GDI2: variants seen among roughly 807,000 people sequenced by gnomAD.
GDI2 encodes GDP dissociation inhibitor 2.
Under a neutral mutation model 54.2 loss-of-function variants are expected in GDI2, and 22 were observed. That is an observed-to-expected ratio of 0.41 (90% CI 0.29 to 0.58). The LOEUF (loss-of-function observed/expected upper bound fraction) is 0.58. Among genes scored for constraint, GDI2 ranks in the 20% least tolerant of loss-of-function variants. The pLI, the probability that GDI2 is intolerant of heterozygous loss-of-function variation, is 0.35. For synonymous variants in GDI2, 177 were observed against 182.1 expected (o/e 0.97, Z 0.23); for missense variants, 422 against 546.0 (o/e 0.77, Z 2.26).
intron 1 of GDI2, among the ~76,000 whole-genome samples, chr10:5,808,958 C>T (rs977716239): frequency 1.4e-4 from 22 of 151,780 alleles, no homozygotes; most frequent in African/African-American, 5.1e-4. Flanking sequence ...TCATTAAAAA[C>T]TGTCAGCCAG....
At position 5,805,518 on chromosome 10, in the gene GDI2, C is replaced by G. The variant is rs1229619907; in HGVS notation, c.46-4813G>C. Among the ~76,000 whole-genome samples the G allele has an allele frequency of 2.0e-5, 3 of 152,116 alleles. 1 individual carries two copies. The East Asian group carries it at 5.8e-4, about 29-fold the overall frequency. Reference sequence around the variant, plus strand: ...ACCTCAGCCTCCTGAGAAGCTGGAACTACAGACATGTGCCACCACGCCTGC... The same window carrying G: ...ACCTCAGCCTCCTGAGAAGCTGGAAGTACAGACATGTGCCACCACGCCTGC... On this transcript the variant is annotated intron_variant, in intron 1 of 10. Transcript: ENST00000380191.
At chr10:5,797,543 CAAAAAAA>C (rs772570487) in intron 2 of GDI2, among the ~76,000 whole-genome samples, 315 of 45,350 alleles carry the variant, frequency 6.9e-3, no homozygotes, top group African/African-American at 0.028. Flanking sequence ...GACTCCATCT[CAAAAAAA>C]AAAAAAAAAA....
At chr10:5,789,763 C>T (rs1840969413) in intron 4 of GDI2, among the ~76,000 whole-genome samples, 1 of 152,164 alleles carries the variant, frequency 6.6e-6, no homozygotes, top group East Asian at 1.9e-4. Flanking sequence ...CTTAGGCACA[C>T]AAACACAGAC....
At chr10:5,812,501 A>G (rs1005708812) in intron 1 of GDI2, among the ~76,000 whole-genome samples, 1 of 152,322 alleles carries the variant, frequency 6.6e-6, no homozygotes, top group South Asian at 2.1e-4. Context: ...AAACAAAAGG[A>G]AAAGGCGGCG....
At chr10:5,792,805 C>T (rs1841046194) in intron 4 of GDI2, among the ~76,000 whole-genome samples, 1 of 151,352 alleles carries the variant, frequency 6.6e-6, no homozygotes, top group African/African-American at 2.4e-5. Context: ...TTTTAACTTT[C>T]AAGCTCTGTA....
chr10:5,813,302 C>T lies in GDI2; in HGVS notation c.-44G>A. ...GCAGGACCCGAGCAAGGAAAAGGCGCAGGGGCTCCGTGACCACCCTACGAG... is the reference window on the plus strand; with the variant it reads ...GCAGGACCCGAGCAAGGAAAAGGCGTAGGGGCTCCGTGACCACCCTACGAG... On this transcript the variant is annotated 5_prime_UTR_variant, in exon 1 of 11. Coordinates refer to ENST00000380191, the MANE Select transcript of GDI2 (RefSeq NM_001494.4). The T allele has an allele frequency of 1.4e-6, 2 of 1,468,456 alleles. No homozygotes were observed. Among genetic ancestry groups the T allele is most frequent in the Non-Finnish European group, 1.9e-6 (2 of 1,071,234 alleles). 91.0% of individuals were successfully genotyped at this position (1,468,456 alleles called of 1,614,324 possible).
chr10:5,780,689 G>A (rs995445889), intron 6 of GDI2, among the ~76,000 whole-genome samples: 16 of 152,024 alleles, frequency 1.1e-4, no homozygotes, highest in South Asian at 4.1e-4. Flanking sequence ...CATTAACAGC[G>A]GCATCAGTAC....
In GDI2 at chr10:5,785,989, G is replaced by C; in HGVS notation, c.450C>G (p.Phe150Leu). ...FRKFLVYVANFDEKDPRTFEG... is the reference protein window; with the variant it reads ...FRKFLVYVANLDEKDPRTFEG... ...CAAAAGTTCTTGGATCTTTTTCATCGAAGTTGGCAACATACACTAGGAATT... is the reference window on the plus strand; with the variant it reads ...CAAAAGTTCTTGGATCTTTTTCATCCAAGTTGGCAACATACACTAGGAATT... The change falls in exon 5 of 11, where the codon TTC (phenylalanine) becomes TTG (leucine). Residue 150 changes from phenylalanine (F) to leucine (L), a missense_variant. Phe to Leu is a conservative substitution (Grantham distance 22, BLOSUM62 0). Transcript: ENST00000380191. 6.2e-7 allele frequency: 1 copy of C among 1,613,206 alleles called. No individual in the cohort carries two copies.
intron 1 of GDI2, among the ~76,000 whole-genome samples, chr10:5,801,879 T>G (rs1047600720): frequency 1.3e-5 from 2 of 151,478 alleles, no homozygotes; most frequent in African/African-American, 4.9e-5. Flanking sequence ...GGCATGGTGG[T>G]GCATGCCTGT....
At chr10:5,809,562 C>G (rs1373046967) in intron 1 of GDI2, among the ~76,000 whole-genome samples, 2 of 152,208 alleles carry the variant, frequency 1.3e-5, no homozygotes, top group African/African-American at 2.4e-5. Context: ...GATTCCCTGA[C>G]TGAACTCATA....
intron 6 of GDI2, among the ~76,000 whole-genome samples, chr10:5,784,259 G>A (rs1349778159): frequency 2.0e-5 from 3 of 152,118 alleles, no homozygotes; most frequent in African/African-American, 7.2e-5. Flanking sequence ...CTCTAAGTGT[G>A]TCCCTTGATT....
At position 5,766,689 on chromosome 10, in the gene GDI2, C is replaced by G; in HGVS notation, c.992-51G>C. On this transcript the variant is annotated intron_variant, in intron 8 of 10. Transcript: ENST00000380191. The surrounding 1 kb of genome is among the most constrained non-coding windows in gnomAD (Gnocchi z 5.8). The stretch of plus-strand genomic sequence containing the variant: ...TGCCTCAAGTGTCTCCATCTGGGAC[C>G]CAACATACTCAGGTATCACCCATAT... 1 of 1,476,248 alleles carries G rather than the reference C, an allele frequency of 6.8e-7. No homozygotes were observed. The highest frequency in any genetic ancestry group is 9.5e-7 in the Non-Finnish European group (1 of 1,056,062). 91.4% of individuals were successfully genotyped at this position (1,476,248 alleles called of 1,614,324 possible).
Position 5,765,928 on chromosome 10 carries a change from T to G in GDI2, c.*78A>C. 3 of 1,046,136 alleles carry G rather than the reference T, an allele frequency of 2.9e-6. No individual in the cohort carries two copies. The highest frequency in any genetic ancestry group is 4.2e-6 in the Non-Finnish European group (3 of 715,660). 64.8% of individuals were successfully genotyped at this position (1,046,136 alleles called of 1,614,324 possible). ...TCCATTTTCATTACAAAAGCAGGCC[T>G]TACAATATTGATTTCATTATATGCA... On this transcript the variant is annotated 3_prime_UTR_variant, in exon 11 of 11. Transcript: ENST00000380191.
chr10:5,805,894 T>C (rs878957946), intron 1 of GDI2, among the ~76,000 whole-genome samples: 2 of 152,210 alleles, frequency 1.3e-5, no homozygotes, highest in East Asian at 3.8e-4. Flanking sequence ...GCAGCACACT[T>C]TGGGTAACAC....
intron 1 of GDI2, among the ~76,000 whole-genome samples, chr10:5,811,184 A>G (rs1841474069): frequency 6.6e-6 from 1 of 152,222 alleles, no homozygotes; most frequent in South Asian, 2.1e-4. Flanking sequence ...CACTACTCCT[A>G]TCAATGATGG....
At chr10:5,790,682 T>G (rs1265113954) in intron 4 of GDI2, among the ~76,000 whole-genome samples, 1 of 152,132 alleles carries the variant, frequency 6.6e-6, no homozygotes, top group Admixed American at 6.6e-5. Flanking sequence ...AAATAAATGT[T>G]AATCAACTAC....
chr10:5,809,951 G>T (rs1244223562), intron 1 of GDI2, among the ~76,000 whole-genome samples: 2 of 151,154 alleles, frequency 1.3e-5, no homozygotes, highest in Non-Finnish European at 3.0e-5. Flanking sequence ...GCTCCCAAGT[G>T]TAACAGCATT....
At chr10:5,770,072 T>A (rs1189136820) in intron 7 of GDI2, among the ~76,000 whole-genome samples, 1 of 152,192 alleles carries the variant, frequency 6.6e-6, no homozygotes, top group Non-Finnish European at 1.5e-5. Context: ...TTCTGACACA[T>A]GCTACAACAC....
At chr10:5,803,894 C>T (rs1456383995) in intron 1 of GDI2, among the ~76,000 whole-genome samples, 3 of 152,088 alleles carry the variant, frequency 2.0e-5, no homozygotes, top group Non-Finnish European at 4.4e-5. Context: ...TAATATTTCT[C>T]AAATTTATCC....
Sources: gnomAD v4.1 joint callset for allele counts (sites outside exome capture counted in the v4.1 genomes callset) on GRCh38, gnomAD v4.1.1 for gene constraint, Gnocchi (gnomAD v3.1) non-coding constraint, MANE v1.5 for transcripts, NCBI Gene and HGNC (gene_info 2026-07-23, HGNC 2026-07-21) for gene names.